Variants in XG observed in about 807,000 individuals in gnomAD.
XG encodes the protein glycoprotein Xg.
XG carries 24 observed loss-of-function variants against 25.7 expected under a neutral mutation model. The ratio of observed to expected loss-of-function variants is 0.93; its 90% CI spans 0.68 to 1.31. The LOEUF is 1.31. Among genes scored for constraint, XG ranks in the 40% most tolerant of loss-of-function variants. The pLI is 0.00. For synonymous variants in XG, 77 were observed against 69.2 expected (o/e 1.11, Z -0.56); for missense variants, 181 against 187.6 (o/e 0.96, Z 0.21).
At chrX:2,770,790 T>C (rs2050801423) in intron 2 of XG, among the ~76,000 whole-genome samples, 199 bp downstream of exon 2, 1 of 152,154 alleles carries the variant, frequency 6.6e-6, no homozygotes, top group Non-Finnish European at 1.5e-5. Context: ...CATTTCTTGG[T>C]AGGTCTGTGC....
At chrX:2,777,817 G>A (rs1440122377) in intron 3 of XG, among the ~76,000 whole-genome samples, 1 of 150,996 alleles carries the variant, frequency 6.6e-6, no homozygotes, top group Non-Finnish European at 1.5e-5. Flanking sequence ...TCCCAGCACT[G>A]TAGGAAGCCG....
At chrX:2,760,156 G>C (rs1271118454) in intron 1 of XG, among the ~76,000 whole-genome samples, 1 of 151,962 alleles carries the variant, frequency 6.6e-6, no homozygotes, top group Admixed American at 6.6e-5. Flanking sequence ...CTCCAGCCTG[G>C]GCAACAGAGC....
chrX:2,764,298 T>A (rs1403769000), intron 1 of XG, among the ~76,000 whole-genome samples: 1 of 152,188 alleles, frequency 6.6e-6, no homozygotes, highest in Non-Finnish European at 1.5e-5. Context: ...TCGGGGCTGC[T>A]CCGTCTATGG....
At chrX:2,784,657 C>T (rs73433431) in intron 4 of XG, among the ~76,000 whole-genome samples, 9,706 of 110,431 alleles carry the variant, frequency 0.088, 425 homozygotes, top group African/African-American at 0.17. Flanking sequence ...GAACACTCAG[C>T]CCCTCCCACA....
chrX:2,809,706 T>G (rs2087036139), intron 9 of XG, among the ~76,000 whole-genome samples: 1 of 112,266 alleles, frequency 8.9e-6, no homozygotes, highest in Non-Finnish European at 1.9e-5. Context: ...ACTCCCTCTC[T>G]TGTGTGCAGT....
chrX:2,808,082 A>T, intron 8 of XG, 103 bp from the exon 9 acceptor site: 1 of 906,365 alleles, frequency 1.1e-6, no homozygotes, highest in Non-Finnish European at 1.6e-6. Context: ...GAAAACAGGG[A>T]TCTGTGTGCT....
At chrX:2,766,557 CT>C (rs1177391752) in intron 1 of XG, among the ~76,000 whole-genome samples, 5,177 of 89,928 alleles carry the variant, frequency 0.058, 100 homozygotes, top group Non-Finnish European at 0.087. Flanking sequence ...CTTATGGCCA[CT>C]TTTTTTTTTT....
intron 4 of XG, among the ~76,000 whole-genome samples, chrX:2,783,911 G>T (rs1012221448): frequency 4.5e-5 from 5 of 112,115 alleles, no homozygotes; most frequent in Non-Finnish European, 7.5e-5. Flanking sequence ...GGAGAGGAAG[G>T]TTACAGTGAG....
At chrX:2,784,565 G>A (rs1264795849) in intron 4 of XG, among the ~76,000 whole-genome samples, 4 of 84,920 alleles carry the variant, frequency 4.7e-5, no homozygotes, top group African/African-American at 2.2e-4. Context: ...GCGAGACTCC[G>A]TCTCAAAAAA....
chrX:2,770,031 G>T (rs1377456033), intron 1 of XG, among the ~76,000 whole-genome samples: 1 of 139,668 alleles, frequency 7.2e-6, no homozygotes, highest in South Asian at 2.8e-4. Context: ...GGGTGGGGGG[G>T]GCGTTGGGGG....
chrX:2,807,733 G>A (rs907653000), intron 8 of XG, among the ~76,000 whole-genome samples: 1 of 112,401 alleles, frequency 8.9e-6, no homozygotes, highest in Admixed American at 9.3e-5. Flanking sequence ...GTGTGTGCAC[G>A]TGTGTATGCG....
intron 3 of XG, among the ~76,000 whole-genome samples, chrX:2,776,358 C>CT (rs2050990034): frequency 6.6e-6 from 1 of 152,132 alleles, no homozygotes; most frequent in South Asian, 2.1e-4. Flanking sequence ...GGTGCAGGGG[C>CT]TTTAAGACTA....
intron 2 of XG, among the ~76,000 whole-genome samples, chrX:2,772,334 G>A (rs369034610): frequency 1.6e-4 from 25 of 152,286 alleles, no homozygotes; most frequent in African/African-American, 6.0e-4. Flanking sequence ...ATCAGGGGAT[G>A]AATGAATGAA....
chrX:2,780,454 G>T (rs2051095443), intron 3 of XG, among the ~76,000 whole-genome samples: 1 of 150,368 alleles, frequency 6.7e-6, no homozygotes, highest in Admixed American at 6.7e-5. Flanking sequence ...ATTAGGCCAG[G>T]CGAGGTGGCT....
At chrX:2,797,585 T>C (rs757655392) in intron 7 of XG, among the ~76,000 whole-genome samples, 4 of 102,353 alleles carry the variant, frequency 3.9e-5, no homozygotes, top group East Asian at 2.9e-4. Flanking sequence ...CATACACACA[T>C]GCACACACAC....
intron 4 of XG, among the ~76,000 whole-genome samples, chrX:2,787,271 A>G (rs1329134053): frequency 3.9e-5 from 4 of 103,373 alleles, no homozygotes; most frequent in African/African-American, 1.1e-4. Context: ...AGATGAGGAC[A>G]CAGACACACA....
chrX:2,752,073 G>A lies in XG; in HGVS notation c.-202G>A. 1.3e-6 allele frequency: 1 copy of A among 775,750 alleles called. No homozygotes were observed. The highest frequency in any genetic ancestry group is 2.0e-5 in the South Asian group (1 of 49,810). 48.1% of individuals were successfully genotyped at this position (775,750 alleles called of 1,614,324 possible). On this transcript the variant is annotated 5_prime_UTR_variant, in exon 1 of 11. Coordinates refer to ENST00000644266, the MANE Select transcript of XG (RefSeq NM_001141919.2). Reference sequence around the variant, plus strand: ...GAGTGTGCCTACACTGGTCCCACAGGTTTTCAGCTGTGGAGTTTGGGATCT... The same window carrying A: ...GAGTGTGCCTACACTGGTCCCACAGATTTTCAGCTGTGGAGTTTGGGATCT...
chrX:2,759,240 A>G (rs1325645559), intron 1 of XG, among the ~76,000 whole-genome samples: 2 of 152,238 alleles, frequency 1.3e-5, no homozygotes, highest in Non-Finnish European at 2.9e-5. Context: ...CTTACAGTGC[A>G]CAGGACAGCA....
chrX:2,757,971 CAAA>C (rs59540338), intron 1 of XG, among the ~76,000 whole-genome samples: 10 of 88,652 alleles, frequency 1.1e-4, no homozygotes, highest in Admixed American at 2.8e-4. Context: ...GACTCCATCT[CAAA>C]AAAAAAAAAA....
Sources: allele counts gnomAD v4.1 joint callset (sites outside exome capture counted in the v4.1 genomes callset), GRCh38; gene constraint gnomAD v4.1.1; transcripts MANE v1.5; gene names NCBI Gene and HGNC (gene_info 2026-07-23, HGNC 2026-07-21).